The following ZDHHC11B variants were observed in gnomAD, a reference collection of about 807,000 sequenced individuals.
ZDHHC11B encodes the protein zDHHC palmitoyltransferase 11B (putative).
ZDHHC11B carries 17 observed loss-of-function variants against 42.3 expected under a neutral mutation model. The observed-to-expected ratio is 0.40, with a 90% confidence interval of 0.27 to 0.60. The LOEUF (loss-of-function observed/expected upper bound fraction) is 0.60. Ranked by LOEUF, ZDHHC11B falls within the 20% of genes least tolerant of loss-of-function variation. The probability of loss-of-function intolerance (pLI) is 0.41; values close to 1 mark genes in which losing one functional copy is unlikely to be tolerated. For synonymous variants in ZDHHC11B, 123 were observed against 193.5 expected (o/e 0.64, Z 3.02); for missense variants, 262 against 463.2 (o/e 0.57, Z 3.99).
intron 1 of ZDHHC11B, among the ~76,000 whole-genome samples, chr5:783,760 A>ACC (rs1737037383): frequency 1.2e-4 from 5 of 43,222 alleles, no homozygotes; most frequent in East Asian, 1.2e-3. Context: ...GCCCCCAAAT[A>ACC]CCCATCAAAA....
intron 6 of ZDHHC11B, among the ~76,000 whole-genome samples, chr5:754,166 T>C (rs540358567): frequency 8.9e-6 from 1 of 112,736 alleles, no homozygotes; most frequent in African/African-American, 3.4e-5. Context: ...GCCTCCACCA[T>C]GCTCAGGGGA....
chr5:760,838 C>G (rs62332145), intron 4 of ZDHHC11B, among the ~76,000 whole-genome samples: 1 of 151,362 alleles, frequency 6.6e-6, no homozygotes, highest in Non-Finnish European at 1.5e-5. Flanking sequence ...CCCAAGGAAC[C>G]GCTGCGTCCC....
chr5:774,755 G>A (rs1272574968), intron 1 of ZDHHC11B, among the ~76,000 whole-genome samples: 1 of 53,618 alleles, frequency 1.9e-5, no homozygotes, highest in South Asian at 5.7e-4. Flanking sequence ...TAGGACCTGG[G>A]GTCTGTCACT....
At chr5:778,238 G>A (rs1469896045) in intron 1 of ZDHHC11B, among the ~76,000 whole-genome samples, 3 of 151,762 alleles carry the variant, frequency 2.0e-5, no homozygotes, top group African/African-American at 7.3e-5. Flanking sequence ...CACCAACAGA[G>A]CATCCCAAAA....
rs1742612125 is a variant in ZDHHC11B, at chr5:726,398, G to T, written c.1058+4036C>A. ...AAGCATATTCTGTGACAAAAAAAGG[G>T]TTAATGGTAACTTATCGCCTGTTGC... On this transcript the variant is annotated intron_variant, in intron 12 of 13. Coordinates refer to ENST00000508859, the MANE Select transcript of ZDHHC11B (RefSeq NM_001351303.2). Among the ~76,000 whole-genome samples the T allele has an allele frequency of 7.4e-5, 11 of 149,008 alleles. No homozygotes were observed. The South Asian group carries it at 2.4e-3, about 32-fold the overall frequency.
chr5:718,010 A>G (rs1304377909), intron 12 of ZDHHC11B, among the ~76,000 whole-genome samples: 1 of 151,914 alleles, frequency 6.6e-6, no homozygotes, highest in Non-Finnish European at 1.5e-5. Context: ...AGGAAGTGAC[A>G]GGACTCAGTA....
In ZDHHC11B at chr5:779,320, G is replaced by A. The variant is rs542267170; in HGVS notation, c.-230+5348C>T. 1.8e-3 allele frequency among the ~76,000 whole-genome samples: 269 copies of A among 148,950 alleles called. 1 individual carries two copies. The highest frequency in any genetic ancestry group is 4.7e-3 in the African/African-American group (185 of 39,714). ...AATGCGTCCCTGTTGTGTTAACCCC[G>A]GACTGTGTCAATTGTCAGAAGCCTC... On this transcript the variant is annotated intron_variant, in intron 1 of 13. Coordinates refer to ENST00000508859, the MANE Select transcript of ZDHHC11B (RefSeq NM_001351303.2).
intron 12 of ZDHHC11B, among the ~76,000 whole-genome samples, chr5:726,325 G>A (rs922572176): frequency 6.6e-6 from 1 of 150,946 alleles, no homozygotes; most frequent in African/African-American, 2.4e-5. Flanking sequence ...GGCTGTGAGT[G>A]AGTCTATAAG....
At chr5:752,932 C>CCAGAGACCA (rs1483632758) in intron 6 of ZDHHC11B, among the ~76,000 whole-genome samples, 1 of 128,148 alleles carries the variant, frequency 7.8e-6, no homozygotes, top group Non-Finnish European at 1.7e-5. Context: ...ACCACAGAGA[C>CCAGAGACCA]CAGAGACCAC....
chr5:764,749 A>G (rs927294269), intron 4 of ZDHHC11B, among the ~76,000 whole-genome samples: 1 of 151,926 alleles, frequency 6.6e-6, no homozygotes, highest in Non-Finnish European at 1.5e-5. Context: ...GTGCGGGCAC[A>G]TGGCACGGGA....
At chr5:754,535 T>C in intron 6 of ZDHHC11B, among the ~76,000 whole-genome samples, 1 of 128,438 alleles carries the variant, frequency 7.8e-6, no homozygotes, top group South Asian at 3.3e-4. Flanking sequence ...GAAACACCTC[T>C]CGTCTATGAG....
chr5:711,699 C>T lies in ZDHHC11B; in HGVS notation c.*591G>A, dbSNP rs188543904. 3.0e-3 allele frequency: 459 copies of T among 153,570 alleles called. 9 individuals are homozygous for T. Among genetic ancestry groups the T allele is most frequent in the Non-Finnish European group, 5.2e-3 (360 of 69,134 alleles). The allele number at this position is 153,570 out of a possible 1,614,324, so 9.5% of individuals were successfully genotyped here. A position where few individuals can be genotyped will look rare whatever the true frequency, so the allele number is the denominator to read the frequency against. ...TACTGTGCTCCTATTCCCCAGTACT[C>T]TGTGCTCCCATTTCCCAGTACTTTG... On this transcript the variant is annotated 3_prime_UTR_variant, in exon 14 of 14. Coordinates refer to ENST00000508859, the MANE Select transcript of ZDHHC11B (RefSeq NM_001351303.2).
intron 1 of ZDHHC11B, among the ~76,000 whole-genome samples, chr5:780,378 G>A (rs1182319334): frequency 5.6e-4 from 85 of 150,866 alleles, no homozygotes; most frequent in Non-Finnish European, 1.0e-3. Flanking sequence ...CAGGGACAGC[G>A]GGCATCCCCG....
intron 13 of ZDHHC11B, among the ~76,000 whole-genome samples, chr5:715,877 A>T (rs1236495457): frequency 6.6e-6 from 1 of 151,026 alleles, no homozygotes; most frequent in East Asian, 1.9e-4. Context: ...CGGCTGTGGG[A>T]GCTGCCTGGA....
chr5:729,547 CGAGTGTGTGTGTGT>C (rs1333752069), intron 12 of ZDHHC11B, among the ~76,000 whole-genome samples: 1 of 93,438 alleles, frequency 1.1e-5, no homozygotes, highest in East Asian at 2.3e-4. Context: ...TGACTGTGTG[CGAGTGTGTGTGTGT>C]GCACATGCCT....
intron 2 of ZDHHC11B, among the ~76,000 whole-genome samples, 176 bp from the exon 3 acceptor site, chr5:767,700 C>T (rs1257323047): frequency 9.7e-6 from 1 of 103,476 alleles, no homozygotes; most frequent in Admixed American, 1.1e-4. Flanking sequence ...GTGTAACCAG[C>T]AGGGGTGTAA....
rs901858091 is a variant in ZDHHC11B, at chr5:773,559, G to C, written c.-229-4629C>G. On this transcript the variant is annotated intron_variant, in intron 1 of 13. Coordinates refer to ENST00000508859, the MANE Select transcript of ZDHHC11B (RefSeq NM_001351303.2). ...TCCCAGGCCTGTGCCCACCATCTCA[G>C]CTGTGCCCTGTACTCCCAGGCCTGT... Among the ~76,000 whole-genome samples the C allele has an allele frequency of 2.6e-5, 4 of 151,910 alleles. No individual in the cohort carries two copies. The South Asian group carries it at 6.3e-4, about 24-fold the overall frequency.
chr5:756,862 T>C (rs1733927636), intron 4 of ZDHHC11B, among the ~76,000 whole-genome samples: 1 of 151,456 alleles, frequency 6.6e-6, no homozygotes, highest in African/African-American at 2.4e-5. Flanking sequence ...AAACACCCCC[T>C]AGACTCATTC....
At chr5:769,787 G>C (rs1169806689) in intron 1 of ZDHHC11B, among the ~76,000 whole-genome samples, 1 of 151,954 alleles carries the variant, frequency 6.6e-6, no homozygotes, top group Admixed American at 6.6e-5. Flanking sequence ...CTGCTTTCCA[G>C]ATTCAAGGAG....
Sources: allele counts gnomAD v4.1 joint callset (sites outside exome capture counted in the v4.1 genomes callset), GRCh38; gene constraint gnomAD v4.1.1; transcripts MANE v1.5; gene names NCBI Gene and HGNC (gene_info 2026-07-23, HGNC 2026-07-21).